Variants in ABCC1 observed in about 807,000 individuals in gnomAD.
The protein encoded by ABCC1 is multidrug resistance-associated protein 1.
Under a neutral mutation model 172.9 loss-of-function variants are expected in ABCC1, and 83 were observed. The observed-to-expected ratio is 0.48, with a 90% CI of 0.40 to 0.58. The LOEUF (loss-of-function observed/expected upper bound fraction) is 0.58. Among genes scored for constraint, ABCC1 ranks in the 20% least tolerant of loss-of-function variants. ABCC1 has a pLI of 0.00. For synonymous variants in ABCC1, 937 were observed against 825.2 expected (o/e 1.14, Z -2.32); for missense variants, 1,817 against 2,002.7 (o/e 0.91, Z 1.77).
At chr16:15,953,919 C>T (rs2045931543) in intron 1 of ABCC1, among the ~76,000 whole-genome samples, 1 of 151,976 alleles carries the variant, frequency 6.6e-6, no homozygotes, top group Non-Finnish European at 1.5e-5. Context: ...TACGACGAGC[C>T]AATTTTTCCC....
At position 16,059,492 on chromosome 16, in the gene ABCC1, A is replaced by AT. The variant is rs551218725; in HGVS notation, c.1677+3204dup. ...GCATGTGTCATGTAATATTGTTTTG[A>AT]TTTTTTTAACTTTTAAAAAATATGA... On this transcript the variant is annotated intron_variant, in intron 12 of 30. Transcript: ENST00000399410. Among the ~76,000 whole-genome samples the AT allele has an allele frequency of 5.0e-3, 767 of 152,158 alleles. 14 individuals are homozygous for AT. Among genetic ancestry groups the AT allele is most frequent in the African/African-American group, 0.018 (741 of 41,516 alleles).
Position 16,079,352 on chromosome 16 carries a change from C to T in ABCC1, c.1989C>T (p.Gly663=). 1.9e-6 allele frequency: 3 copies of T among 1,613,870 alleles called. No homozygotes were observed. The highest frequency in any genetic ancestry group is 2.5e-6 in the Non-Finnish European group (3 of 1,179,850). The change falls in exon 16 of 31, where the codon GGC becomes GGT. Residue 663 remains glycine (G), a splice_region_variant and synonymous_variant. Transcript: ENST00000399410. ...AGCCAGGTGTGTTGTGTCGTTTCAG[C>T]ATCACCTTCTCCATCCCCGAAGGTG... ...WARSDPPTLN[G]ITFSIPEGAL...
At chr16:16,111,056 C>G (rs1305806480) in intron 21 of ABCC1, among the ~76,000 whole-genome samples, 1 of 152,106 alleles carries the variant, frequency 6.6e-6, no homozygotes, top group Admixed American at 6.6e-5. Context: ...GCCGACCACA[C>G]ACCCGGCTAA....
intron 1 of ABCC1, among the ~76,000 whole-genome samples, chr16:15,996,068 TCCA>T (rs1373528929): frequency 7.5e-6 from 1 of 132,732 alleles, no homozygotes; most frequent in Non-Finnish European, 1.5e-5. Context: ...CACCACAACC[TCCA>T]CCTCCTGGGT....
rs151292339 is a variant in ABCC1 at position 16,140,243 on chromosome 16, G to C, written c.4488-930G>C. 8.7e-3 allele frequency among the ~76,000 whole-genome samples: 1,329 copies of C among 152,314 alleles called. 8 individuals are homozygous for C. The highest frequency in any genetic ancestry group is 0.035 in the South Asian group (168 of 4,824). ...TAGGCCAGAAAGGTAGGCAGGGGCTGGATCTTAGAGCACCATGTAACCACG... is the reference window on the plus strand; with the variant it reads ...TAGGCCAGAAAGGTAGGCAGGGGCTCGATCTTAGAGCACCATGTAACCACG... On this transcript the variant is annotated intron_variant, in intron 30 of 30. Transcript: ENST00000399410.
At chr16:16,108,013 A>G (rs576201024) in intron 21 of ABCC1, among the ~76,000 whole-genome samples, 12 of 152,082 alleles carry the variant, frequency 7.9e-5, no homozygotes, top group Non-Finnish European at 1.2e-4. Context: ...TTAACTTGTC[A>G]TCAGAGTCAG....
At chr16:16,026,302 G>A (rs1380309188) in intron 5 of ABCC1, among the ~76,000 whole-genome samples, 2 of 151,634 alleles carry the variant, frequency 1.3e-5, no homozygotes, top group African/African-American at 4.8e-5. Flanking sequence ...GCATGGTGGT[G>A]TGCACCATGT....
At chr16:15,972,989 C>G (rs2046403417) in intron 1 of ABCC1, among the ~76,000 whole-genome samples, 2 of 151,506 alleles carry the variant, frequency 1.3e-5, no homozygotes, top group South Asian at 4.2e-4. Flanking sequence ...GAGATGGGGT[C>G]TCACCATGTT....
chr16:15,997,686 C>T (rs2047103426), intron 1 of ABCC1, among the ~76,000 whole-genome samples: 1 of 152,056 alleles, frequency 6.6e-6, no homozygotes, highest in African/African-American at 2.4e-5. Flanking sequence ...CATTATTCAC[C>T]GTTTTTCCCA....
At position 16,045,701 on chromosome 16, in the gene ABCC1, T is replaced by C. The variant is rs1489258709; in HGVS notation, c.1041-135T>C. ...CCAGATCACCACTGTGGACTTGTTT[T>C]TCCATCTATGAAATTGAAGTGATAG... On this transcript the variant is annotated intron_variant, in intron 8 of 30. Transcript: ENST00000399410. The C allele has an allele frequency of 3.3e-6, 3 of 907,408 alleles. No individual in the cohort carries two copies. The Admixed American group carries it at 7.4e-5, about 22-fold the overall frequency. The allele number at this position is 907,408 out of a possible 1,614,324, so 56.2% of individuals were successfully genotyped here. A position where few individuals can be genotyped will look rare whatever the true frequency, so the allele number is the denominator to read the frequency against.
At chr16:16,124,315 CTGTG>C (rs11270322) in intron 24 of ABCC1, among the ~76,000 whole-genome samples, 152 of 36,828 alleles carry the variant, frequency 4.1e-3, no homozygotes, top group African/African-American at 0.012. Flanking sequence ...TGTTAATGCA[CTGTG>C]TGTGTGTGTG....
intron 1 of ABCC1, among the ~76,000 whole-genome samples, chr16:15,997,136 G>C (rs2047085283): frequency 6.8e-6 from 1 of 146,960 alleles, no homozygotes; most frequent in South Asian, 2.1e-4. Context: ...CTATCGCCCA[G>C]GCTGGAGTGC....
Position 16,087,220 on chromosome 16 carries a change from A to G in ABCC1, c.2460+229A>G, listed in dbSNP as rs183448189. Among the ~76,000 whole-genome samples the G allele has an allele frequency of 1.2e-4, 19 of 152,294 alleles. 1 individual carries two copies. The highest frequency in any genetic ancestry group is 9.8e-4 in the Admixed American group (15 of 15,300). On this transcript the variant is annotated intron_variant, in intron 18 of 30. Coordinates refer to ENST00000399410, the MANE Select transcript of ABCC1 (RefSeq NM_004996.4). Reference sequence around the variant, plus strand: ...GCAGAGTTAAATTCATTGCCTCTCCATGGCCAAGGGAGGCCTCTCTTCCTG... The same window carrying G: ...GCAGAGTTAAATTCATTGCCTCTCCGTGGCCAAGGGAGGCCTCTCTTCCTG...
intron 7 of ABCC1, among the ~76,000 whole-genome samples, chr16:16,041,895 G>A (rs950820833): frequency 1.6e-4 from 24 of 152,176 alleles, no homozygotes; most frequent in Middle Eastern, 3.4e-3. Context: ...TCATGAGTTC[G>A]AGACCAGCCT....
At position 16,068,835 on chromosome 16, in the gene ABCC1, A is replaced by C. The variant is rs554707786; in HGVS notation, c.1824+533A>C. Among the ~76,000 whole-genome samples, 139 of 152,000 alleles carry C rather than the reference A, an allele frequency of 9.1e-4. 1 individual carries two copies. The highest frequency in any genetic ancestry group is 1.7e-3 in the Non-Finnish European group (118 of 67,986). On this transcript the variant is annotated intron_variant, in intron 13 of 30. Coordinates refer to ENST00000399410, the MANE Select transcript of ABCC1 (RefSeq NM_004996.4). ...AACCTCATCTCTACTAAAAATACAA[A>C]AATTAGCCAGGTGTGGTGGCGGGTC...
Position 16,056,169 on chromosome 16 carries a change from T to G in ABCC1, c.1551T>G (p.Leu517=). ...EILNGIKVLK[L]YAWELAFKDK... ...TCAATGGGATCAAAGTGCTAAAGCT[T>G]TATGCCTGGGAGCTGGCATTCAAGG... The change falls in exon 12 of 31, where the codon CTT becomes CTG. Residue 517 remains leucine, a synonymous_variant. Coordinates refer to ENST00000399410, the MANE Select transcript of ABCC1 (RefSeq NM_004996.4). The G allele has an allele frequency of 6.2e-7, 1 of 1,614,070 alleles. No individual in the cohort carries two copies. The highest frequency in any genetic ancestry group is 8.5e-7 in the Non-Finnish European group (1 of 1,180,018).
At chr16:16,059,821 C>T (rs918356961) in intron 12 of ABCC1, among the ~76,000 whole-genome samples, 3 of 151,158 alleles carry the variant, frequency 2.0e-5, no homozygotes, top group African/African-American at 4.9e-5. Context: ...CCCCCCCACC[C>T]CCTCCCAGCC....
intron 1 of ABCC1, among the ~76,000 whole-genome samples, chr16:15,995,422 C>G (rs189665811): frequency 2.0e-5 from 3 of 152,288 alleles, no homozygotes; most frequent in East Asian, 3.9e-4. Context: ...TTCTGTCTAC[C>G]TGATAAAGAA....
intron 1 of ABCC1, among the ~76,000 whole-genome samples, chr16:16,003,508 T>A (rs1284394024): frequency 6.8e-6 from 1 of 146,778 alleles, no homozygotes; most frequent in African/African-American, 2.5e-5. Context: ...AATTGGTGGG[T>A]TGGTGGATGG....
Sources: gnomAD v4.1 joint callset for allele counts (sites outside exome capture counted in the v4.1 genomes callset) on GRCh38, gnomAD v4.1.1 for gene constraint, MANE v1.5 for transcripts, NCBI Gene and HGNC (gene_info 2026-07-23, HGNC 2026-07-21) for gene names.